The following LRRTM4 variants were observed in gnomAD, a reference collection of about 807,000 sequenced individuals.
LRRTM4 encodes leucine-rich repeat transmembrane neuronal protein 4.
A neutral mutation model predicts 47.6 loss-of-function variants in LRRTM4; 25 were observed. The observed-to-expected ratio is 0.53, with a 90% CI of 0.38 to 0.73. The LOEUF (loss-of-function observed/expected upper bound fraction) is 0.73, where lower values mean the gene tolerates loss of function less well. Among genes scored for constraint, LRRTM4 ranks in the 30% least tolerant of loss-of-function variants. LRRTM4 has a pLI of 0.00. For synonymous variants in LRRTM4, 311 were observed against 269.5 expected (o/e 1.15, Z -1.51); for missense variants, 638 against 713.4 (o/e 0.89, Z 1.20).
intron 3 of LRRTM4, among the ~76,000 whole-genome samples, chr2:77,140,102 T>A (rs1030537454): frequency 6.6e-6 from 1 of 152,134 alleles, no homozygotes; most frequent in Non-Finnish European, 1.5e-5. Context: ...AATGACTCTC[T>A]TTGCAGAATT....
At chr2:77,213,115 C>T (rs776705866) in intron 3 of LRRTM4, among the ~76,000 whole-genome samples, 2 of 152,076 alleles carry the variant, frequency 1.3e-5, no homozygotes, top group Admixed American at 6.6e-5. Context: ...AGTTAACAAC[C>T]GTAAATGTTA....
At chr2:77,103,271 G>A (rs560977385) in intron 3 of LRRTM4, among the ~76,000 whole-genome samples, 11 of 152,208 alleles carry the variant, frequency 7.2e-5, no homozygotes, top group South Asian at 6.2e-4. Context: ...TATGTTTACC[G>A]CAGAAAATAA....
chr2:76,873,278 G>A (rs940011188), intron 3 of LRRTM4, among the ~76,000 whole-genome samples: 1 of 151,838 alleles, frequency 6.6e-6, no homozygotes, highest in East Asian at 1.9e-4. Flanking sequence ...TTGCAATATA[G>A]TGGCAGAAAA....
At chr2:77,177,865 C>T (rs1673242601) in intron 3 of LRRTM4, among the ~76,000 whole-genome samples, 1 of 152,176 alleles carries the variant, frequency 6.6e-6, no homozygotes, top group African/African-American at 2.4e-5. Context: ...CTTTATGGTT[C>T]CCTTCCAGTC....
At chr2:77,387,219 T>C (rs1673313284) in intron 3 of LRRTM4, among the ~76,000 whole-genome samples, 1 of 152,166 alleles carries the variant, frequency 6.6e-6, no homozygotes, top group Non-Finnish European at 1.5e-5. Context: ...GATATGATAA[T>C]ATTTGGTTAA....
intron 3 of LRRTM4, among the ~76,000 whole-genome samples, chr2:76,771,055 T>C (rs1673679928): frequency 6.6e-6 from 1 of 152,218 alleles, no homozygotes; most frequent in Non-Finnish European, 1.5e-5. Flanking sequence ...TTAATGATGT[T>C]ATTCCTAGCT....
intron 3 of LRRTM4, among the ~76,000 whole-genome samples, chr2:77,362,174 G>GAAAGAAAGAAAGAAAGAAAGAAAGAAAGA (rs1491583250): frequency 1.3e-5 from 1 of 78,938 alleles, no homozygotes; most frequent in Non-Finnish European, 2.6e-5. Context: ...AGAAAGAAAG[G>GAAAGAAAGAAAGAAAGAAAGAAAGAAAGA]AAGGAAGGAA....
intron 3 of LRRTM4, among the ~76,000 whole-genome samples, chr2:77,020,538 T>C (rs965265452): frequency 1.4e-4 from 21 of 152,142 alleles, no homozygotes; most frequent in Admixed American, 2.6e-4. Context: ...GAATAATCTA[T>C]TTTTAAAAAA....
At chr2:77,340,856 G>T (rs1464217771) in intron 3 of LRRTM4, among the ~76,000 whole-genome samples, 1 of 151,928 alleles carries the variant, frequency 6.6e-6, no homozygotes, top group Non-Finnish European at 1.5e-5. Context: ...TAAAGAAGAT[G>T]TTTTAAAAAG....
intron 3 of LRRTM4, among the ~76,000 whole-genome samples, chr2:77,459,110 C>T (rs1676677562): frequency 6.6e-6 from 1 of 151,872 alleles, no homozygotes; most frequent in South Asian, 2.1e-4. Flanking sequence ...CATTTTTGTC[C>T]AAAATAATAA....
At chr2:77,035,366 C>A (rs892620684) in intron 3 of LRRTM4, among the ~76,000 whole-genome samples, 1 of 151,828 alleles carries the variant, frequency 6.6e-6, no homozygotes, top group African/African-American at 2.4e-5. Flanking sequence ...AACATTATAA[C>A]CTGGCTATTG....
intron 3 of LRRTM4, among the ~76,000 whole-genome samples, chr2:77,149,703 T>C (rs1672363998): frequency 1.3e-5 from 2 of 152,230 alleles, no homozygotes; most frequent in South Asian, 4.1e-4. Context: ...GGAAGATGCA[T>C]GTGAGAAGTT....
chr2:77,494,506 G>A (rs1234775750), intron 3 of LRRTM4, among the ~76,000 whole-genome samples: 1 of 151,930 alleles, frequency 6.6e-6, no homozygotes, highest in African/African-American at 2.4e-5. Flanking sequence ...CTATAGATCA[G>A]CAGTGGATTA....
chr2:76,971,299 G>C (rs1477158027), intron 3 of LRRTM4, among the ~76,000 whole-genome samples: 1 of 151,268 alleles, frequency 6.6e-6, no homozygotes, highest in Non-Finnish European at 1.5e-5. Context: ...GGAGCCCTAG[G>C]ATATGTACCT....
At chr2:76,851,296 A>G (rs1383671326) in intron 3 of LRRTM4, among the ~76,000 whole-genome samples, 1 of 152,148 alleles carries the variant, frequency 6.6e-6, no homozygotes, top group African/African-American at 2.4e-5. Context: ...TCCAAGTGCA[A>G]TAAAAAAATG....
At chr2:76,929,829 A>G (rs1674709645) in intron 3 of LRRTM4, among the ~76,000 whole-genome samples, 1 of 152,024 alleles carries the variant, frequency 6.6e-6, no homozygotes, top group East Asian at 1.9e-4. Context: ...CATCTATCCT[A>G]TCTTTGTAGC....
chr2:77,482,222 A>G (rs1677731634), intron 3 of LRRTM4, among the ~76,000 whole-genome samples: 1 of 152,198 alleles, frequency 6.6e-6, no homozygotes, highest in Non-Finnish European at 1.5e-5. Context: ...TTTTTCCAAT[A>G]TGATTTTGCC....
chr2:77,034,920 A>G (rs1160543421), intron 3 of LRRTM4, among the ~76,000 whole-genome samples: 1 of 151,932 alleles, frequency 6.6e-6, no homozygotes, highest in East Asian at 1.9e-4. Flanking sequence ...GTTACAGTTC[A>G]TATATAAAAC....
At chr2:76,931,001 TG>T (rs1323594745) in intron 3 of LRRTM4, among the ~76,000 whole-genome samples, 1 of 152,170 alleles carries the variant, frequency 6.6e-6, no homozygotes, top group African/African-American at 2.4e-5. Context: ...GCACTGCTTG[TG>T]GCTCATAGAC....
Sources: allele counts gnomAD v4.1 joint callset (sites outside exome capture counted in the v4.1 genomes callset), GRCh38; gene constraint gnomAD v4.1.1; transcripts MANE v1.5; gene names NCBI Gene and HGNC (gene_info 2026-07-23, HGNC 2026-07-21).